MAP2K6: variants seen among roughly 807,000 people sequenced by gnomAD.
MAP2K6 encodes mitogen-activated protein kinase kinase 6.
In MAP2K6, 16 loss-of-function variants were observed where a neutral mutation model predicts 53.7. That is an observed-to-expected ratio of 0.30 (90% CI 0.20 to 0.45). The LOEUF (loss-of-function observed/expected upper bound fraction) is 0.45, where lower values mean the gene tolerates loss of function less well. Among genes scored for constraint, MAP2K6 ranks in the 20% least tolerant of loss-of-function variants. The pLI is 1.00. For synonymous variants in MAP2K6, 132 were observed against 143.1 expected (o/e 0.92, Z 0.55); for missense variants, 204 against 411.9 (o/e 0.50, Z 4.37).
intron 1 of MAP2K6, chr17:69,501,859 CAA>C (rs1400198483): frequency 1.3e-5 from 2 of 149,304 alleles, no homozygotes; most frequent in African/African-American, 4.9e-5. Flanking sequence ...ATATCAAAGG[CAA>C]AGACTGTTGA....
In MAP2K6 at chr17:69,519,229, A is replaced by G. The variant is rs1910338680; in HGVS notation, c.247-84A>G. The G allele has an allele frequency of 6.1e-6, 9 of 1,475,160 alleles. No individual in the cohort carries two copies. The Admixed American group carries it at 1.3e-4, about 22-fold the overall frequency. 91.4% of individuals were successfully genotyped at this position (1,475,160 alleles called of 1,614,324 possible). A position where few individuals can be genotyped will look rare whatever the true frequency, so the allele number is the denominator to read the frequency against. The stretch of plus-strand genomic sequence containing the variant: ...ATCGCCAGAACTTGTGTCATGAACT[A>G]TTTTCACGATGGGACTCCTTCAGGT... On this transcript the variant is annotated intron_variant, in intron 4 of 11. Coordinates refer to ENST00000590474, the MANE Select transcript of MAP2K6 (RefSeq NM_002758.4).
At chr17:69,470,416 G>A (rs1340828610) in intron 1 of MAP2K6, among the ~76,000 whole-genome samples, 1 of 152,166 alleles carries the variant, frequency 6.6e-6, no homozygotes, top group Non-Finnish European at 1.5e-5. Context: ...CATCCAGGGA[G>A]GATAGATGCT....
intron 1 of MAP2K6, chr17:69,434,141 C>T (rs1262132119): frequency 6.6e-6 from 1 of 152,038 alleles, no homozygotes; most frequent in Non-Finnish European, 1.5e-5. Context: ...GCAAATCTAC[C>T]CCTAAAAGAT....
intron 1 of MAP2K6, among the ~76,000 whole-genome samples, chr17:69,496,560 G>A (rs934266060): frequency 6.6e-6 from 1 of 152,016 alleles, no homozygotes; most frequent in Non-Finnish European, 1.5e-5. Context: ...GTAGAGATGG[G>A]GTTTCACCAC....
At chr17:69,517,452 T>C (rs1260826345) in intron 3 of MAP2K6, 48 bp from the exon 4 acceptor site, 2 of 1,039,806 alleles carry the variant, frequency 1.9e-6, no homozygotes, top group Non-Finnish European at 2.9e-6. Flanking sequence ...CTCTCTGTTC[T>C]GTTTATTTTT....
chr17:69,458,487 T>C (rs879297975), intron 1 of MAP2K6, among the ~76,000 whole-genome samples: 4 of 152,228 alleles, frequency 2.6e-5, no homozygotes, highest in Admixed American at 6.5e-5. Context: ...AAGGACCACA[T>C]TCCAGGGCAA....
intron 7 of MAP2K6, among the ~76,000 whole-genome samples, chr17:69,522,103 C>A (rs964357560): frequency 2.0e-5 from 3 of 152,130 alleles, no homozygotes; most frequent in Admixed American, 6.5e-5. Context: ...GAAGAGATAA[C>A]CAGAACCCTG....
At chr17:69,504,162 T>TTC (rs1555607856) in intron 1 of MAP2K6, among the ~76,000 whole-genome samples, 1 of 151,594 alleles carries the variant, frequency 6.6e-6, no homozygotes, top group Non-Finnish European at 1.5e-5. Flanking sequence ...TTTTAATTGG[T>TTC]TTAAGTTTCT....
At chr17:69,449,848 C>G (rs1907149493) in intron 1 of MAP2K6, among the ~76,000 whole-genome samples, 1 of 151,466 alleles carries the variant, frequency 6.6e-6, no homozygotes, top group Admixed American at 6.6e-5. Flanking sequence ...CTCCTGACCT[C>G]GTGATCCGCC....
intron 1 of MAP2K6, among the ~76,000 whole-genome samples, chr17:69,489,713 T>C (rs1456027214): frequency 5.9e-5 from 9 of 152,242 alleles, no homozygotes; most frequent in Non-Finnish European, 1.2e-4. Context: ...GTTGTTAGTT[T>C]TTGTAGATTA....
chr17:69,489,870 C>T (rs1488204567), intron 1 of MAP2K6, among the ~76,000 whole-genome samples: 2 of 152,144 alleles, frequency 1.3e-5, no homozygotes, highest in South Asian at 2.1e-4. Flanking sequence ...AGTATGTAGC[C>T]GAACAAAAGG....
intron 1 of MAP2K6, among the ~76,000 whole-genome samples, chr17:69,428,818 T>G (rs1214270350): frequency 6.6e-6 from 1 of 151,430 alleles, no homozygotes; most frequent in African/African-American, 2.4e-5. Context: ...TCCCATCTGG[T>G]CCTTGAACGG....
intron 1 of MAP2K6, among the ~76,000 whole-genome samples, chr17:69,458,305 G>T (rs550350044): frequency 2.6e-5 from 4 of 152,080 alleles, no homozygotes; most frequent in African/African-American, 9.7e-5. Flanking sequence ...TGCCTGTCTC[G>T]GCCTCCCAAA....
chr17:69,527,444 T>G (rs950712102), intron 10 of MAP2K6, among the ~76,000 whole-genome samples: 2 of 152,144 alleles, frequency 1.3e-5, no homozygotes, highest in African/African-American at 4.8e-5. Context: ...TATATTTTCA[T>G]GAAAACTGCC....
intron 1 of MAP2K6, among the ~76,000 whole-genome samples, chr17:69,468,703 G>A (rs986629204): frequency 2.0e-5 from 3 of 152,150 alleles, no homozygotes; most frequent in African/African-American, 7.2e-5. Flanking sequence ...ACAGTTATGG[G>A]TTCTTAGTTT....
At chr17:69,477,870 A>G (rs9893349) in intron 1 of MAP2K6, among the ~76,000 whole-genome samples, 42,171 of 152,030 alleles carry the variant, frequency 0.28, 7,158 homozygotes, top group East Asian at 0.56. Flanking sequence ...AGTCTTGTAG[A>G]TGGAAGGGAA....
intron 1 of MAP2K6, among the ~76,000 whole-genome samples, chr17:69,464,676 C>T (rs1232554347): frequency 6.6e-6 from 1 of 152,090 alleles, no homozygotes; most frequent in Non-Finnish European, 1.5e-5. Flanking sequence ...GCCGCCGCTA[C>T]TTATTTTTGT....
chr17:69,494,891 G>C lies in MAP2K6; in HGVS notation c.17-10889G>C, dbSNP rs149508136. On this transcript the variant is annotated intron_variant, in intron 1 of 11. Coordinates refer to ENST00000590474, the MANE Select transcript of MAP2K6 (RefSeq NM_002758.4). This position sits in a 1 kb window ranked among gnomAD's most constrained non-coding sequence, Gnocchi z 4.2. ...ATGGTGGCGCACTTCTGTAATCCCAGCTACTCGGGAGGCTGAGATAGGAGC... is the reference window on the plus strand; with the variant it reads ...ATGGTGGCGCACTTCTGTAATCCCACCTACTCGGGAGGCTGAGATAGGAGC... 0.01 allele frequency among the ~76,000 whole-genome samples: 1,566 copies of C among 152,072 alleles called. 71 individuals are homozygous for C. Among genetic ancestry groups the C allele is most frequent in the Admixed American group, 0.073 (1,117 of 15,274 alleles).
intron 1 of MAP2K6, among the ~76,000 whole-genome samples, chr17:69,427,725 C>A (rs1445494538): frequency 2.0e-5 from 3 of 152,186 alleles, no homozygotes; most frequent in South Asian, 4.1e-4. Flanking sequence ...TAACATATGA[C>A]CCAGCCAGGT....
Sources: gnomAD v4.1 joint callset for allele counts (sites outside exome capture counted in the v4.1 genomes callset) on GRCh38, gnomAD v4.1.1 for gene constraint, Gnocchi (gnomAD v3.1) non-coding constraint, MANE v1.5 for transcripts, NCBI Gene and HGNC (gene_info 2026-07-23, HGNC 2026-07-21) for gene names.